The following ARMC2 variants were observed in gnomAD, a reference collection of about 807,000 sequenced individuals.
ARMC2 encodes armadillo repeat-containing protein 2.
Under a neutral mutation model 90.3 loss-of-function variants are expected in ARMC2, and 67 were observed. That is an observed-to-expected ratio of 0.74 (90% CI 0.61 to 0.91). The LOEUF is 0.91. Ranked by LOEUF, ARMC2 falls within the 40% of genes least tolerant of loss-of-function variation. The pLI is 0.00. For missense variants in ARMC2, 920 were observed against 1,030.9 expected (o/e 0.89, Z 1.47); for synonymous variants, 393 against 393.0 (o/e 1.00, Z 0.00).
intron 3 of ARMC2, among the ~76,000 whole-genome samples, chr6:108,858,988 T>C (rs1387743331): frequency 6.6e-6 from 1 of 152,238 alleles, no homozygotes; most frequent in Non-Finnish European, 1.5e-5. Context: ...TACTCCCATA[T>C]AGATATAACT....
chr6:108,863,803 C>A (rs1302247309), intron 3 of ARMC2, among the ~76,000 whole-genome samples: 1 of 152,164 alleles, frequency 6.6e-6, no homozygotes, highest in East Asian at 1.9e-4. Context: ...CAGTAACCAG[C>A]ATTCAAAAGG....
intron 17 of ARMC2, among the ~76,000 whole-genome samples, chr6:108,971,043 C>G (rs77322934): frequency 9.9e-5 from 15 of 151,720 alleles, no homozygotes; most frequent in African/African-American, 3.6e-4. Flanking sequence ...GGCAACATGG[C>G]AAAACCCCAT....
At chr6:109,044,197 C>T in the ARMC2 span, among the ~76,000 whole-genome samples, 1 of 151,230 alleles carries the variant, frequency 6.6e-6, no homozygotes, top group African/African-American at 2.4e-5. Flanking sequence ...TGCCGGTGAT[C>T]CCAGCTACTT....
At chr6:109,009,318 C>A in the ARMC2 span, 1 of 1,451,346 alleles carries the variant, frequency 6.9e-7, no homozygotes. Flanking sequence ...TGCCCACCCG[C>A]CCAGGTACCC....
intron 17 of ARMC2, among the ~76,000 whole-genome samples, chr6:108,967,727 TG>T (rs960200716): frequency 6.6e-6 from 1 of 152,008 alleles, no homozygotes; most frequent in Non-Finnish European, 1.5e-5. Flanking sequence ...TTATTGTTGT[TG>T]TTTCAAATAT....
the ARMC2 span, among the ~76,000 whole-genome samples, chr6:108,994,064 T>C: frequency 6.9e-6 from 1 of 145,946 alleles, no homozygotes; most frequent in East Asian, 2.0e-4. Context: ...CGCTTGAGCC[T>C]AAGAGTCTCA....
chr6:108,993,831 C>T, the ARMC2 span, among the ~76,000 whole-genome samples: 5 of 152,028 alleles, frequency 3.3e-5, no homozygotes, highest in Non-Finnish European at 4.4e-5. Flanking sequence ...CCTTCCACCT[C>T]AGCTTCTTGA....
At chr6:108,940,702 G>A (rs1776368892) in intron 12 of ARMC2, among the ~76,000 whole-genome samples, 1 of 152,130 alleles carries the variant, frequency 6.6e-6, no homozygotes, top group African/African-American at 2.4e-5. Flanking sequence ...GCCTTTCTAT[G>A]TCTGCAGCTT....
At chr6:108,926,666 A>G (rs1440041307) in intron 10 of ARMC2, among the ~76,000 whole-genome samples, 1 of 152,130 alleles carries the variant, frequency 6.6e-6, no homozygotes, top group Non-Finnish European at 1.5e-5. Context: ...CAGAGGTTGC[A>G]GTGAGCTGAG....
At chr6:109,050,170 C>G in the ARMC2 span, among the ~76,000 whole-genome samples, 2 of 152,158 alleles carry the variant, frequency 1.3e-5, no homozygotes, top group Non-Finnish European at 2.9e-5. Context: ...TTGCTCTACT[C>G]ACAATGGAAG....
At chr6:108,963,748 C>T (rs1415701805) in intron 15 of ARMC2, among the ~76,000 whole-genome samples, 3 of 152,244 alleles carry the variant, frequency 2.0e-5, no homozygotes, top group Non-Finnish European at 4.4e-5. Context: ...GAGTCTTACA[C>T]ATGGCCCTGG....
Position 108,961,982 on chromosome 6 carries a change from A to G in ARMC2, c.2039-32A>G, listed in dbSNP as rs767858805. The G allele has an allele frequency of 6.2e-6, 9 of 1,448,440 alleles. No homozygotes were observed. The South Asian group carries it at 9.8e-5, about 16-fold the overall frequency. The allele number at this position is 1,448,440 out of a possible 1,614,324, so 89.7% of individuals were successfully genotyped here. ...AACCTTTAAGTTAAAACTTAAATTC[A>G]CTGATTTAATTTCTCTGGTCGCCAA... On this transcript the variant is annotated intron_variant, in intron 14 of 17. Transcript: ENST00000392644.
chr6:109,044,314 A>C, the ARMC2 span, among the ~76,000 whole-genome samples: 1 of 77,672 alleles, frequency 1.3e-5, no homozygotes, highest in African/African-American at 6.0e-5. Flanking sequence ...CTTGCCTCAA[A>C]AAAAAAAAAA....
intron 13 of ARMC2, among the ~76,000 whole-genome samples, chr6:108,961,354 T>A (rs1777984649): frequency 6.6e-6 from 1 of 152,174 alleles, no homozygotes; most frequent in African/African-American, 2.4e-5. Context: ...GTTGACAGTG[T>A]CCTCTCTGCT....
intron 3 of ARMC2, among the ~76,000 whole-genome samples, chr6:108,864,607 G>A (rs1312630813): frequency 1.3e-5 from 2 of 152,132 alleles, no homozygotes; most frequent in African/African-American, 4.8e-5. Context: ...TTGCGTGTGT[G>A]TGTTTGTGTG....
chr6:108,903,417 C>T (rs1188391586), intron 7 of ARMC2, among the ~76,000 whole-genome samples: 2 of 152,222 alleles, frequency 1.3e-5, no homozygotes, highest in South Asian at 2.1e-4. Flanking sequence ...TTAATAACCA[C>T]CTCCAGATAA....
chr6:108,990,704 A>G, the ARMC2 span: 1 of 1,614,168 alleles, frequency 6.2e-7, no homozygotes. Flanking sequence ...TTGAGGTATC[A>G]ACATCTTTGT....
chr6:109,009,354 G>A, the ARMC2 span: 2 of 1,470,860 alleles, frequency 1.4e-6, no homozygotes, highest in Non-Finnish European at 1.8e-6. Flanking sequence ...CCCTCGCCCA[G>A]GTACCTCGTC....
chr6:109,043,427 T>C, the ARMC2 span, among the ~76,000 whole-genome samples: 16 of 152,056 alleles, frequency 1.1e-4, no homozygotes, highest in African/African-American at 3.9e-4. Flanking sequence ...AAATAACAAC[T>C]GTCCCTACTT....
Sources: allele counts gnomAD v4.1 joint callset (sites outside exome capture counted in the v4.1 genomes callset), GRCh38; gene constraint gnomAD v4.1.1; transcripts MANE v1.5; gene names NCBI Gene and HGNC (gene_info 2026-07-23, HGNC 2026-07-21).